Variants in SKAP2 observed in about 807,000 individuals in gnomAD.
The protein encoded by SKAP2 is src kinase-associated phosphoprotein 2.
SKAP2 carries 28 observed loss-of-function variants against 54.9 expected under a neutral mutation model. The ratio of observed to expected loss-of-function variants is 0.51; its 90% CI spans 0.38 to 0.70. The LOEUF (loss-of-function observed/expected upper bound fraction) is 0.70. Among genes scored for constraint, SKAP2 ranks in the 30% least tolerant of loss-of-function variants. The pLI, the probability that SKAP2 is intolerant of heterozygous loss-of-function variation, is 0.00. For missense variants in SKAP2, 356 were observed against 424.1 expected (o/e 0.84, Z 1.41); for synonymous variants, 137 against 134.3 (o/e 1.02, Z -0.14).
intron 4 of SKAP2, among the ~76,000 whole-genome samples, chr7:26,819,416 G>A (rs924329633): frequency 5.9e-5 from 9 of 151,946 alleles, no homozygotes; most frequent in African/African-American, 7.3e-5. Flanking sequence ...TGCACCTGTC[G>A]GGGGGTGGGG....
chr7:26,722,232 C>A (rs941698877), intron 9 of SKAP2, among the ~76,000 whole-genome samples: 1 of 152,002 alleles, frequency 6.6e-6, no homozygotes, highest in Non-Finnish European at 1.5e-5. Flanking sequence ...TATTCCTATT[C>A]CTTTACGAAG....
At chr7:26,860,663 T>C (rs775369662) in intron 1 of SKAP2, among the ~76,000 whole-genome samples, 1 of 151,924 alleles carries the variant, frequency 6.6e-6, no homozygotes, top group Non-Finnish European at 1.5e-5. Flanking sequence ...ACCAAAATGT[T>C]GACCAAATTA....
intron 9 of SKAP2, among the ~76,000 whole-genome samples, chr7:26,721,407 T>C (rs989821020): frequency 1.3e-5 from 2 of 152,212 alleles, no homozygotes; most frequent in Non-Finnish European, 2.9e-5. Flanking sequence ...AAAAAAATTA[T>C]AGCTGCATTT....
chr7:26,781,430 T>C (rs1192103475), intron 4 of SKAP2, among the ~76,000 whole-genome samples: 4 of 152,104 alleles, frequency 2.6e-5, no homozygotes, highest in African/African-American at 9.7e-5. Context: ...TAAAAGAAGA[T>C]GGAAGTGCAA....
intron 4 of SKAP2, among the ~76,000 whole-genome samples, chr7:26,798,675 T>C (rs1783838549): frequency 6.6e-6 from 1 of 150,956 alleles, no homozygotes; most frequent in South Asian, 2.1e-4. Context: ...AAAGACTAAA[T>C]GATGAACCAA....
chr7:26,772,200 T>C (rs1783202938), intron 4 of SKAP2, among the ~76,000 whole-genome samples: 1 of 152,142 alleles, frequency 6.6e-6, no homozygotes, highest in Non-Finnish European at 1.5e-5. Context: ...CCAAAGCATA[T>C]TGAATTTTTT....
intron 4 of SKAP2, among the ~76,000 whole-genome samples, chr7:26,842,170 C>CA (rs1294229926): frequency 6.6e-6 from 1 of 151,398 alleles, no homozygotes; most frequent in Admixed American, 6.6e-5. Flanking sequence ...ATTTATATAT[C>CA]AAAAATGAGT....
chr7:26,779,961 G>C (rs1783392105), intron 4 of SKAP2, among the ~76,000 whole-genome samples: 1 of 152,032 alleles, frequency 6.6e-6, no homozygotes, highest in Non-Finnish European at 1.5e-5. Flanking sequence ...TGCCTGAAGT[G>C]AGAACAAGCA....
At chr7:26,856,824 C>T (rs1194596491) in intron 1 of SKAP2, among the ~76,000 whole-genome samples, 1 of 152,166 alleles carries the variant, frequency 6.6e-6, no homozygotes, top group Non-Finnish European at 1.5e-5. Flanking sequence ...TTTCCTCTTC[C>T]ATGAGTATTT....
At chr7:26,702,159 T>C (rs1584339982) in intron 9 of SKAP2, among the ~76,000 whole-genome samples, 1 of 152,144 alleles carries the variant, frequency 6.6e-6, no homozygotes, top group Non-Finnish European at 1.5e-5. Flanking sequence ...ATATTTTTTG[T>C]TTTTTGTTTT....
At chr7:26,733,072 A>G (rs1054197654) in intron 6 of SKAP2, among the ~76,000 whole-genome samples, 3 of 151,928 alleles carry the variant, frequency 2.0e-5, no homozygotes, top group Non-Finnish European at 2.9e-5. Context: ...CGGAGGTTGC[A>G]GTGTGCTGAG....
intron 4 of SKAP2, among the ~76,000 whole-genome samples, chr7:26,816,311 T>C (rs1339100529): frequency 6.6e-6 from 1 of 152,128 alleles, no homozygotes; most frequent in Admixed American, 6.6e-5. Context: ...AATAGTTACA[T>C]ATTCAGCATT....
chr7:26,707,100 C>T (rs1018608553), intron 9 of SKAP2, among the ~76,000 whole-genome samples: 2 of 152,116 alleles, frequency 1.3e-5, no homozygotes, highest in African/African-American at 4.8e-5. Context: ...TGGGTCACAC[C>T]TGTAATCTTA....
intron 4 of SKAP2, among the ~76,000 whole-genome samples, chr7:26,750,379 T>G (rs189132134): frequency 2.4e-4 from 36 of 151,032 alleles, no homozygotes; most frequent in Admixed American, 6.0e-4. Flanking sequence ...TGGCGTGATC[T>G]TGGCTCGCTG....
intron 4 of SKAP2, among the ~76,000 whole-genome samples, chr7:26,781,580 G>A (rs10250304): frequency 0.077 from 11,786 of 152,148 alleles, 575 homozygotes; most frequent in Middle Eastern, 0.16. Flanking sequence ...AAGAAACTAG[G>A]CATTCTCCCT....
chr7:26,771,510 T>C (rs1438409638), intron 4 of SKAP2, among the ~76,000 whole-genome samples: 1 of 152,236 alleles, frequency 6.6e-6, no homozygotes, highest in Non-Finnish European at 1.5e-5. Context: ...GTCAGCTGCA[T>C]ATGTATATTT....
intron 9 of SKAP2, among the ~76,000 whole-genome samples, chr7:26,694,594 A>T (rs74500945): frequency 0.026 from 3,928 of 151,918 alleles, 167 homozygotes; most frequent in African/African-American, 0.09. Flanking sequence ...GGTAGTCATC[A>T]AAAGGTTTTA....
intron 4 of SKAP2, among the ~76,000 whole-genome samples, chr7:26,823,382 T>C (rs1233409205): frequency 1.5e-5 from 2 of 134,530 alleles, no homozygotes; most frequent in South Asian, 4.9e-4. Flanking sequence ...GCCGAGATCA[T>C]GCCACTGCAC....
Position 26,723,264 on chromosome 7 carries a change from C to T in SKAP2, c.796+2164G>A, listed in dbSNP as rs111660284. Among the ~76,000 whole-genome samples, 284 of 152,252 alleles carry T rather than the reference C, an allele frequency of 1.9e-3. 2 individuals are homozygous for T. Among genetic ancestry groups the T allele is most frequent in the African/African-American group, 6.5e-3 (269 of 41,552 alleles). The stretch of plus-strand genomic sequence containing the variant: ...TTACTAGAAAAATCCCCTCTGTAGC[C>T]GTTGGCACAAACTTGACAAACTTGC... On this transcript the variant is annotated intron_variant, in intron 9 of 12. Transcript: ENST00000345317.
Sources: gnomAD v4.1 joint callset for allele counts (sites outside exome capture counted in the v4.1 genomes callset) on GRCh38, gnomAD v4.1.1 for gene constraint, MANE v1.5 for transcripts, NCBI Gene and HGNC (gene_info 2026-07-23, HGNC 2026-07-21) for gene names.